The following PXDNL variants were observed in gnomAD, a reference collection of about 807,000 sequenced individuals.
PXDNL encodes the protein peroxidasin like, also known as probable oxidoreductase PXDNL.
Under a neutral mutation model 150.8 loss-of-function variants are expected in PXDNL, and 145 were observed. The observed-to-expected ratio is 0.96, with a 90% CI of 0.84 to 1.10. The LOEUF is 1.10. PXDNL is among the 50% of genes least tolerant of loss of function. The pLI is 0.00. For synonymous variants in PXDNL, 757 were observed against 725.7 expected (o/e 1.04, Z -0.69); for missense variants, 2,087 against 1,873.9 (o/e 1.11, Z -2.10).
intron 4 of PXDNL, among the ~76,000 whole-genome samples, chr8:51,542,458 C>T (rs925483621): frequency 9.6e-5 from 14 of 146,426 alleles, no homozygotes; most frequent in African/African-American, 3.6e-4. Flanking sequence ...GATTAGATCA[C>T]GAGGGTAGGG....
intron 2 of PXDNL, among the ~76,000 whole-genome samples, chr8:51,627,030 A>C (rs771276455): frequency 2.0e-5 from 3 of 152,192 alleles, no homozygotes; most frequent in South Asian, 2.1e-4. Context: ...ACATTTAATA[A>C]GTTTTTTTAA....
At chr8:51,791,332 C>A (rs993380995) in intron 1 of PXDNL, among the ~76,000 whole-genome samples, 3 of 152,238 alleles carry the variant, frequency 2.0e-5, no homozygotes, top group African/African-American at 7.2e-5. Context: ...AGACTCAGAT[C>A]ATATTCACAA....
chr8:51,572,860 C>T (rs1812976419), intron 3 of PXDNL, among the ~76,000 whole-genome samples: 1 of 151,906 alleles, frequency 6.6e-6, no homozygotes, highest in South Asian at 2.1e-4. Context: ...ATTTATCCCA[C>T]TAAATACAAC....
rs753198619 is a variant in PXDNL at position 51,411,327 on chromosome 8, C to T, written c.1985G>A (p.Gly662Glu). ...CTGCAGCGTGTGCTCAAAAATCTCC[C>T]CTGCTCTTGCCATTTCCACAATCAG... ...DPLIVEMARAGEIFEHTLQLI... is the reference protein window; with the variant it reads ...DPLIVEMARAEEIFEHTLQLI... Residue 662 changes from glycine to glutamate, a missense_variant, in exon 16 of 23, where the codon GGG (glycine) becomes GAG (glutamate). Coordinates refer to ENST00000356297, the MANE Select transcript of PXDNL (RefSeq NM_144651.5). The T allele has an allele frequency of 4.4e-6, 7 of 1,589,506 alleles. No homozygotes were observed. Among genetic ancestry groups the T allele is most frequent in the Middle Eastern group, 1.7e-4 (1 of 6,024 alleles).
At chr8:51,484,592 T>C (rs963071907) in intron 5 of PXDNL, among the ~76,000 whole-genome samples, 3 of 152,188 alleles carry the variant, frequency 2.0e-5, no homozygotes, top group East Asian at 3.9e-4. Flanking sequence ...CAGAGTCCCG[T>C]TGGGTGCTGC....
chr8:51,654,589 C>G, intron 2 of PXDNL, 100 bp downstream of exon 2: 4 of 849,028 alleles, frequency 4.7e-6, no homozygotes, highest in Non-Finnish European at 7.8e-6. Flanking sequence ...TGTCATTCTT[C>G]TACTAGCTGT....
chr8:51,401,608 C>T (rs1473542002), intron 17 of PXDNL, among the ~76,000 whole-genome samples: 1 of 152,158 alleles, frequency 6.6e-6, no homozygotes, highest in East Asian at 1.9e-4. Context: ...AGAGAGCAGC[C>T]ATTTGAAGGC....
chr8:51,624,826 A>C (rs1454951892), intron 2 of PXDNL, among the ~76,000 whole-genome samples: 2 of 151,676 alleles, frequency 1.3e-5, no homozygotes, highest in East Asian at 3.9e-4. Context: ...ATGAATCTGC[A>C]ATCAATGAGT....
chr8:51,455,166 A>G (rs1410731580), intron 9 of PXDNL, among the ~76,000 whole-genome samples: 2 of 151,268 alleles, frequency 1.3e-5, no homozygotes, highest in African/African-American at 4.8e-5. Context: ...AAGTTATTAT[A>G]ATAATTGAAA....
chr8:51,635,759 G>A (rs375004288), intron 2 of PXDNL, among the ~76,000 whole-genome samples: 55 of 151,860 alleles, frequency 3.6e-4, no homozygotes, highest in Non-Finnish European at 5.7e-4. Flanking sequence ...AGTTTCACTC[G>A]TAAATTTTAT....
intron 1 of PXDNL, among the ~76,000 whole-genome samples, chr8:51,665,614 G>A (rs1001542727): frequency 6.6e-6 from 1 of 152,088 alleles, no homozygotes; most frequent in Non-Finnish European, 1.5e-5. Context: ...CAAAATAATA[G>A]CAATAATAAT....
intron 21 of PXDNL, among the ~76,000 whole-genome samples, chr8:51,322,847 A>C (rs1380541328): frequency 6.6e-6 from 1 of 152,240 alleles, no homozygotes; most frequent in Non-Finnish European, 1.5e-5. Flanking sequence ...GAGTGCCTAC[A>C]CTTGGGCAGT....
At chr8:51,782,695 G>A (rs1312910731) in intron 1 of PXDNL, among the ~76,000 whole-genome samples, 1 of 152,172 alleles carries the variant, frequency 6.6e-6, no homozygotes, top group African/African-American at 2.4e-5. Flanking sequence ...TAAATACAAG[G>A]AAGAATTTCA....
At chr8:51,566,672 CT>C (rs1009672168) in intron 3 of PXDNL, among the ~76,000 whole-genome samples, 12 of 148,164 alleles carry the variant, frequency 8.1e-5, no homozygotes, top group South Asian at 2.1e-4. Flanking sequence ...TATGTTTATT[CT>C]TTTTTTTTTC....
intron 2 of PXDNL, among the ~76,000 whole-genome samples, chr8:51,638,857 G>A (rs956113660): frequency 2.0e-5 from 3 of 152,070 alleles, no homozygotes; most frequent in Non-Finnish European, 2.9e-5. Context: ...AGACCTAATA[G>A]ACATCTACAG....
At chr8:51,627,981 T>G (rs1814398274) in intron 2 of PXDNL, among the ~76,000 whole-genome samples, 1 of 152,160 alleles carries the variant, frequency 6.6e-6, no homozygotes, top group African/African-American at 2.4e-5. Context: ...AAAACCATTC[T>G]AAAGCCAAAA....
chr8:51,415,061 G>C (rs750983153), intron 14 of PXDNL, among the ~76,000 whole-genome samples: 13 of 152,118 alleles, frequency 8.5e-5, no homozygotes, highest in Non-Finnish European at 1.6e-4. Flanking sequence ...TTCTTTGGCG[G>C]GGGGGAGATG....
chr8:51,798,264 A>G (rs2037583542), intron 1 of PXDNL, among the ~76,000 whole-genome samples: 1 of 152,238 alleles, frequency 6.6e-6, no homozygotes, highest in South Asian at 2.1e-4. Flanking sequence ...CATTCAGGAC[A>G]TAGGCACAGG....
chr8:51,562,483 C>G (rs1001302542), intron 3 of PXDNL, among the ~76,000 whole-genome samples: 3 of 151,890 alleles, frequency 2.0e-5, no homozygotes, highest in Non-Finnish European at 2.9e-5. Flanking sequence ...TCTCACATAG[C>G]TATTATATAG....
Sources: allele counts gnomAD v4.1 joint callset (sites outside exome capture counted in the v4.1 genomes callset), GRCh38; gene constraint gnomAD v4.1.1; transcripts MANE v1.5; gene names NCBI Gene and HGNC (gene_info 2026-07-23, HGNC 2026-07-21).